Variants in ENTREP2 observed in about 807,000 individuals in gnomAD.
ENTREP2 encodes endosomal transmembrane epsin interactor 2, also known as protein ENTREP2.
the ENTREP2 span, among the ~76,000 whole-genome samples, chr15:29,219,216 C>T: frequency 6.6e-6 from 1 of 151,976 alleles, no homozygotes; most frequent in Non-Finnish European, 1.5e-5. Flanking sequence ...AAAAAATGCT[C>T]AACATCATTA....
chr15:29,211,061 G>A, the ENTREP2 span, among the ~76,000 whole-genome samples: 1 of 152,066 alleles, frequency 6.6e-6, no homozygotes, highest in Non-Finnish European at 1.5e-5. Flanking sequence ...TTAATAGAAG[G>A]GGATTGTCTG....
chr15:29,191,351 T>C, the ENTREP2 span, among the ~76,000 whole-genome samples: 4 of 152,130 alleles, frequency 2.6e-5, no homozygotes, highest in Admixed American at 6.6e-5. Context: ...GAAGTATCCA[T>C]ATACTTCAGA....
the ENTREP2 span, among the ~76,000 whole-genome samples, chr15:29,617,173 G>A: frequency 8.6e-3 from 1,310 of 152,278 alleles, 20 homozygotes; most frequent in African/African-American, 0.03. Context: ...CTGGAGGCCC[G>A]GGAAAGCCAG....
At chr15:29,283,707 C>T in the ENTREP2 span, among the ~76,000 whole-genome samples, 1 of 152,104 alleles carries the variant, frequency 6.6e-6, no homozygotes, top group African/African-American at 2.4e-5. Flanking sequence ...TACTACAGAG[C>T]AGAACTAATG....
At chr15:29,651,413 C>G in the ENTREP2 span, among the ~76,000 whole-genome samples, 1 of 152,222 alleles carries the variant, frequency 6.6e-6, no homozygotes, top group Non-Finnish European at 1.5e-5. Flanking sequence ...GCAGAAGCGG[C>G]CCATCTAGAA....
At chr15:29,505,931 A>G in the ENTREP2 span, among the ~76,000 whole-genome samples, 1 of 152,260 alleles carries the variant, frequency 6.6e-6, no homozygotes, top group East Asian at 1.9e-4. This position sits in a 1 kb window ranked among gnomAD's most constrained non-coding sequence, Gnocchi z 4.3. Context: ...TGACGGAAGT[A>G]GGCTTCAGAA....
chr15:29,652,291 C>T, the ENTREP2 span, among the ~76,000 whole-genome samples: 18 of 152,288 alleles, frequency 1.2e-4, no homozygotes, highest in South Asian at 2.3e-3. Context: ...GCTGAACACT[C>T]GTCAGGACAC....
At chr15:29,196,301 T>C in the ENTREP2 span, 2 of 924,218 alleles carry the variant, frequency 2.2e-6, no homozygotes, top group South Asian at 2.1e-5. Flanking sequence ...TGGAAAGATA[T>C]TCCCTCTTGC....
the ENTREP2 span, among the ~76,000 whole-genome samples, chr15:29,370,467 A>G: frequency 6.6e-6 from 1 of 152,178 alleles, no homozygotes; most frequent in South Asian, 2.1e-4. Flanking sequence ...CCAGAGTAGC[A>G]AAGAATTAGC....
the ENTREP2 span, among the ~76,000 whole-genome samples, chr15:29,439,083 G>A: frequency 6.6e-6 from 1 of 152,048 alleles, no homozygotes; most frequent in Non-Finnish European, 1.5e-5. Context: ...GAGCATAGAA[G>A]CAATGATACC....
the ENTREP2 span, among the ~76,000 whole-genome samples, chr15:29,378,169 A>AT: frequency 1.3e-5 from 2 of 151,470 alleles, no homozygotes; most frequent in Admixed American, 1.3e-4. Context: ...GCCTCGCTTT[A>AT]AAAACCTTTT....
chr15:29,482,005 C>CT, the ENTREP2 span, among the ~76,000 whole-genome samples: 1 of 151,650 alleles, frequency 6.6e-6, no homozygotes, highest in Non-Finnish European at 1.5e-5. Context: ...TTCTTTCTTT[C>CT]TTTTTTTCTG....
the ENTREP2 span, among the ~76,000 whole-genome samples, chr15:29,249,643 T>C: frequency 1.3e-5 from 2 of 152,334 alleles, no homozygotes; most frequent in Admixed American, 1.3e-4. Context: ...TTTTATGTGT[T>C]GTATAGGTTT....
At chr15:29,316,634 A>C in the ENTREP2 span, among the ~76,000 whole-genome samples, 1 of 152,318 alleles carries the variant, frequency 6.6e-6, no homozygotes, top group Admixed American at 6.5e-5. Flanking sequence ...AAGAATGTCC[A>C]GGAGTGGCTG....
chr15:29,259,782 G>T, the ENTREP2 span, among the ~76,000 whole-genome samples: 1 of 149,900 alleles, frequency 6.7e-6, no homozygotes. Context: ...TTAGATACCA[G>T]CCTGAGCAAC....
chr15:29,418,758 A>G, the ENTREP2 span, among the ~76,000 whole-genome samples: 1 of 152,144 alleles, frequency 6.6e-6, no homozygotes, highest in Admixed American at 6.5e-5. Context: ...GAAGGGAGCT[A>G]AACTCTGAAG....
chr15:29,411,062 C>T, the ENTREP2 span, among the ~76,000 whole-genome samples: 2 of 152,052 alleles, frequency 1.3e-5, no homozygotes, highest in African/African-American at 4.8e-5. Context: ...AGATTACAGG[C>T]ATGAGCCACT....
chr15:29,608,636 G>A, the ENTREP2 span, among the ~76,000 whole-genome samples: 1 of 151,410 alleles, frequency 6.6e-6, no homozygotes, highest in South Asian at 2.1e-4. Context: ...CTCACTGCAA[G>A]CTCCGCCTCC....
At chr15:29,302,520 G>A in the ENTREP2 span, among the ~76,000 whole-genome samples, 1 of 152,160 alleles carries the variant, frequency 6.6e-6, no homozygotes, top group Non-Finnish European at 1.5e-5. Flanking sequence ...CATTAACAGC[G>A]AGAGTACTTT....
Sources: gnomAD v4.1 joint callset for allele counts (sites outside exome capture counted in the v4.1 genomes callset) on GRCh38, gnomAD v4.1.1 for gene constraint, Gnocchi (gnomAD v3.1) non-coding constraint, MANE v1.5 for transcripts, NCBI Gene and HGNC (gene_info 2026-07-23, HGNC 2026-07-21) for gene names.